The following SGIP1 variants were observed in gnomAD, a reference collection of about 807,000 sequenced individuals.
The protein encoded by SGIP1 is SH3GL interacting endocytic adaptor 1, also known as SH3-containing GRB2-like protein 3-interacting protein 1.
Under a neutral mutation model 107.5 loss-of-function variants are expected in SGIP1, and 38 were observed. That is an observed-to-expected ratio of 0.35 (90% CI 0.27 to 0.46). SGIP1 has a LOEUF of 0.46. Ranked by LOEUF, SGIP1 falls within the 20% of genes least tolerant of loss-of-function variation. SGIP1 has a pLI of 1.00. For synonymous variants in SGIP1, 365 were observed against 366.1 expected, an observed-to-expected ratio of 1.00 and a Z score of 0.03; for missense variants, 929 against 1,019.5, an observed-to-expected ratio of 0.91 and a Z score of 1.21.
chr1:66,730,641 C>A (rs1175390965), intron 20 of SGIP1, among the ~76,000 whole-genome samples: 1 of 152,214 alleles, frequency 6.6e-6, no homozygotes, highest in Non-Finnish European at 1.5e-5. Flanking sequence ...CCTTTGTTCA[C>A]AACTCCCTGG....
At chr1:66,566,275 C>A (rs1385841640) in intron 1 of SGIP1, among the ~76,000 whole-genome samples, 5 of 151,960 alleles carry the variant, frequency 3.3e-5, no homozygotes, top group Non-Finnish European at 7.4e-5. Flanking sequence ...GAATAATGAG[C>A]AAGAGTGATC....
At chr1:66,575,552 T>C (rs1405938799) in intron 1 of SGIP1, among the ~76,000 whole-genome samples, 1 of 152,158 alleles carries the variant, frequency 6.6e-6, no homozygotes, top group East Asian at 1.9e-4. Context: ...CTATGTGTAT[T>C]GACATTCTGT....
intron 12 of SGIP1, among the ~76,000 whole-genome samples, chr1:66,674,504 G>A (rs2084710461): frequency 6.6e-6 from 1 of 152,144 alleles, no homozygotes; most frequent in South Asian, 2.1e-4. Flanking sequence ...GGACCTATTG[G>A]TGAAGGGCCT....
Position 66,613,691 on chromosome 1 carries a change from A to G in SGIP1, c.11-12156A>G, listed in dbSNP as rs138148386. 6.3e-3 allele frequency among the ~76,000 whole-genome samples: 963 copies of G among 152,276 alleles called. 11 individuals are homozygous for G. Among genetic ancestry groups the G allele is most frequent in the African/African-American group, 0.022 (904 of 41,544 alleles). On this transcript the variant is annotated intron_variant, in intron 1 of 24. Coordinates refer to ENST00000371037, the MANE Select transcript of SGIP1 (RefSeq NM_032291.4). ...TGCATGATTGGCTCCTGGCAACCTC[A>G]TCTTCATGTCACTCTTCACCTCAAA...
chr1:66,534,123 A>T, upstream of SGIP1: 1 of 592,734 alleles, frequency 1.7e-6, no homozygotes. Flanking sequence ...CAGCTCGGCC[A>T]GCTTGCCGTT....
chr1:66,685,228 T>A (rs72920314), intron 15 of SGIP1, among the ~76,000 whole-genome samples: 8,694 of 152,268 alleles, frequency 0.057, 823 homozygotes, highest in African/African-American at 0.2. Context: ...TGCACTCATT[T>A]TTAAAATTTT....
Position 66,582,692 on chromosome 1 carries a change from A to ATAAATAT in SGIP1, c.11-43155_11-43154insTAAATAT, listed in dbSNP as rs1368692413. ...ATTGATTCATAAATATCTGAATTAC[A>ATAAATAT]CATGGCTTTTTTTAGATGCTGCCTA... On this transcript the variant is annotated intron_variant, in intron 1 of 24. Coordinates refer to ENST00000371037, the MANE Select transcript of SGIP1 (RefSeq NM_032291.4). Among the ~76,000 whole-genome samples the ATAAATAT allele has an allele frequency of 2.0e-4, 31 of 152,184 alleles. 2 individuals carry two copies. Among genetic ancestry groups the ATAAATAT allele is most frequent in the African/African-American group, 7.2e-4 (30 of 41,566 alleles).
At chr1:66,621,449 C>G (rs1225991853) in intron 1 of SGIP1, among the ~76,000 whole-genome samples, 1 of 152,140 alleles carries the variant, frequency 6.6e-6, no homozygotes, top group Non-Finnish European at 1.5e-5. Flanking sequence ...GTAAAATACA[C>G]ACAAAATAAA....
chr1:66,678,388 A>G (rs1424758141), intron 13 of SGIP1, among the ~76,000 whole-genome samples: 1 of 152,248 alleles, frequency 6.6e-6, no homozygotes, highest in African/African-American at 2.4e-5. Context: ...CTGTTGTTTA[A>G]TTGATGTGCA....
At chr1:66,642,973 G>A in intron 6 of SGIP1, 109 bp downstream of exon 6, 1 of 929,370 alleles carries the variant, frequency 1.1e-6, no homozygotes, top group South Asian at 1.7e-5. Flanking sequence ...CACAAGTCCT[G>A]TTATCCCTAA....
chr1:66,719,258 T>C (rs2093404498), intron 18 of SGIP1, 36 bp from the exon 19 acceptor site: 3 of 1,455,988 alleles, frequency 2.1e-6, no homozygotes, highest in Non-Finnish European at 2.9e-6. Flanking sequence ...GTGTCTCCTA[T>C]TTTCATAATA....
chr1:66,686,580 C>T (rs184889071), intron 15 of SGIP1, among the ~76,000 whole-genome samples: 7 of 147,584 alleles, frequency 4.7e-5, no homozygotes, highest in Admixed American at 4.6e-4. Flanking sequence ...AATAATTTCA[C>T]GAAAGTATGT....
rs963866927 is a variant in SGIP1 at position 66,547,439 on chromosome 1, G to A, written c.10+13071G>A. On this transcript the variant is annotated intron_variant, in intron 1 of 24. Transcript: ENST00000371037. Reference sequence around the variant, plus strand: ...AAATATAGTTCTGTATACAATTTCAGCAAAGTCTAATCCTCTTTATCCAAA... The same window carrying A: ...AAATATAGTTCTGTATACAATTTCAACAAAGTCTAATCCTCTTTATCCAAA... 4.6e-4 allele frequency among the ~76,000 whole-genome samples: 70 copies of A among 152,146 alleles called. 4 individuals are homozygous for A.
chr1:66,542,748 T>C (rs902635769), intron 1 of SGIP1, among the ~76,000 whole-genome samples: 3 of 152,156 alleles, frequency 2.0e-5, no homozygotes, highest in Admixed American at 1.3e-4. Context: ...CCACAGAAAA[T>C]GAAACCTTGG....
intron 8 of SGIP1, 106 bp downstream of exon 8, chr1:66,660,630 T>C: frequency 9.1e-7 from 1 of 1,093,568 alleles, no homozygotes. Context: ...TAAACAAGGT[T>C]TTGAACTTTA....
chr1:66,657,311 A>G (rs1340885166), intron 7 of SGIP1, among the ~76,000 whole-genome samples: 2 of 152,174 alleles, frequency 1.3e-5, no homozygotes, highest in African/African-American at 2.4e-5. Context: ...ATCCCACTCT[A>G]TGATGCCTGA....
At chr1:66,611,341 G>C (rs2067959609) in intron 1 of SGIP1, among the ~76,000 whole-genome samples, 3 of 152,168 alleles carry the variant, frequency 2.0e-5, no homozygotes, top group Non-Finnish European at 4.4e-5. Flanking sequence ...AATTATGTGG[G>C]AGTAGAGCTC....
intron 17 of SGIP1, chr1:66,695,087 C>T (rs753613952): frequency 2.4e-6 from 1 of 422,884 alleles, no homozygotes; most frequent in Non-Finnish European, 4.1e-6. Flanking sequence ...ACAGCAATTG[C>T]TGAATGACAG....
At chr1:66,643,479 C>A in intron 6 of SGIP1, 65 bp from the exon 7 acceptor site, 1 of 1,386,174 alleles carries the variant, frequency 7.2e-7, no homozygotes, top group East Asian at 2.5e-5. Context: ...TATGCAATTG[C>A]TCTTGTCTTG....
Sources: gnomAD v4.1 joint callset for allele counts (sites outside exome capture counted in the v4.1 genomes callset) on GRCh38, gnomAD v4.1.1 for gene constraint, MANE v1.5 for transcripts, NCBI Gene and HGNC (gene_info 2026-07-23, HGNC 2026-07-21) for gene names.